Variants in OPCML observed in about 807,000 individuals in gnomAD.
OPCML encodes the protein opioid binding protein/cell adhesion molecule like.
A neutral mutation model predicts 37.8 loss-of-function variants in OPCML; 13 were observed. The ratio of observed to expected loss-of-function variants is 0.34; its 90% CI spans 0.22 to 0.55. The LOEUF is 0.55. Ranked by LOEUF, OPCML falls within the 20% of genes least tolerant of loss-of-function variation. The pLI is 0.91. For synonymous variants in OPCML, 176 were observed against 168.8 expected, an observed-to-expected ratio of 1.04 and a Z score of -0.33; for missense variants, 341 against 435.6, an observed-to-expected ratio of 0.78 and a Z score of 1.93.
In OPCML at chr11:133,373,632, T is replaced by TA. The variant is rs201795079; in HGVS notation, c.61+158631dup. ...AAAGACAGGCCCTGTCTCAGAAACA[T>TA]AAAAAAAAAGAAAAGAAAAAGAAAA... On this transcript the variant is annotated intron_variant, in intron 1 of 7. Transcript: ENST00000524381. Among the ~76,000 whole-genome samples the TA allele has an allele frequency of 3.2e-3, 454 of 140,064 alleles. 2 individuals carry two copies. Among genetic ancestry groups the TA allele is most frequent in the African/African-American group, 9.6e-3 (362 of 37,692 alleles). 91.9% of individuals were successfully genotyped at this position (140,064 alleles called of 152,430 possible).
chr11:132,802,459 C>T (rs1938716986), intron 2 of OPCML, among the ~76,000 whole-genome samples: 1 of 152,178 alleles, frequency 6.6e-6, no homozygotes, highest in Non-Finnish European at 1.5e-5. Flanking sequence ...ACTCCATCAA[C>T]GTTGGTTCAA....
chr11:132,888,146 T>C (rs536379264), intron 2 of OPCML, among the ~76,000 whole-genome samples: 1 of 152,176 alleles, frequency 6.6e-6, no homozygotes, highest in East Asian at 1.9e-4. Flanking sequence ...TAGGAGCTGA[T>C]GTATCTGGAT....
chr11:132,508,759 T>G (rs1157236944), intron 4 of OPCML, among the ~76,000 whole-genome samples: 1 of 152,242 alleles, frequency 6.6e-6, no homozygotes, highest in East Asian at 1.9e-4. Context: ...ACCATGATTC[T>G]AAGGCCTCCC....
chr11:133,515,679 C>A (rs1199229555), intron 1 of OPCML, among the ~76,000 whole-genome samples: 3 of 151,898 alleles, frequency 2.0e-5, no homozygotes, highest in African/African-American at 7.3e-5. Flanking sequence ...TTGTAATGGG[C>A]TTGGGGTGCA....
intron 4 of OPCML, among the ~76,000 whole-genome samples, chr11:132,517,003 G>A (rs1041958924): frequency 1.7e-4 from 26 of 152,026 alleles, no homozygotes; most frequent in Admixed American, 8.5e-4. Flanking sequence ...ACTCCAGGCC[G>A]CCACCTCTCT....
intron 2 of OPCML, among the ~76,000 whole-genome samples, chr11:132,825,700 C>T (rs1005959915): frequency 6.6e-6 from 1 of 152,220 alleles, no homozygotes; most frequent in Non-Finnish European, 1.5e-5. Context: ...GTGAATGACT[C>T]TTAGCCCTTT....
intron 1 of OPCML, among the ~76,000 whole-genome samples, chr11:133,325,911 T>C (rs1436234486): frequency 1.3e-5 from 2 of 152,208 alleles, no homozygotes; most frequent in African/African-American, 4.8e-5. Context: ...GTCTTTTGTG[T>C]GCTAATGCTG....
At chr11:133,115,935 T>A (rs955009298) in intron 1 of OPCML, among the ~76,000 whole-genome samples, 1 of 151,724 alleles carries the variant, frequency 6.6e-6, no homozygotes, top group African/African-American at 2.4e-5. Flanking sequence ...TAAAATACTT[T>A]AGTATTTGTT....
intron 1 of OPCML, among the ~76,000 whole-genome samples, chr11:133,434,165 T>A (rs1361010205): frequency 1.3e-5 from 2 of 152,176 alleles, no homozygotes; most frequent in Non-Finnish European, 2.9e-5. Context: ...TATAGTTAGG[T>A]GGGATTACAC....
intron 1 of OPCML, among the ~76,000 whole-genome samples, chr11:133,140,531 TAAGAAGAAGAAGAAGAAGAAG>T (rs1168417109): frequency 0.029 from 2,550 of 88,068 alleles, 98 homozygotes; most frequent in African/African-American, 0.098. Context: ...ATAATAATAA[TAAGAAGAAGAAGAAGAAGAAG>T]AAGAAGAAGA....
chr11:133,330,078 T>A lies in OPCML; in HGVS notation c.61+202186A>T, dbSNP rs181871102. On this transcript the variant is annotated intron_variant, in intron 1 of 7. Coordinates refer to ENST00000524381, the MANE Select transcript of OPCML (RefSeq NM_001012393.5). ...ACATTTATGCAGCCAAAACAACACA[T>A]GAAAAAATGCTCATCATCACTGGCC... Among the ~76,000 whole-genome samples, 1,232 of 152,116 alleles carry A rather than the reference T, an allele frequency of 8.1e-3. 18 individuals are homozygous for A. The highest frequency in any genetic ancestry group is 0.026 in the African/African-American group (1,099 of 41,486).
chr11:133,221,190 A>G (rs78817528), intron 1 of OPCML, among the ~76,000 whole-genome samples: 4,121 of 152,264 alleles, frequency 0.027, 71 homozygotes, highest in East Asian at 0.12. Flanking sequence ...AGCTTGGGAC[A>G]GAGCCGGCCA....
intron 2 of OPCML, among the ~76,000 whole-genome samples, chr11:132,832,917 T>TA (rs1204990677): frequency 6.6e-6 from 1 of 150,728 alleles, no homozygotes; most frequent in Non-Finnish European, 1.5e-5. Context: ...AAAAATGTGA[T>TA]AAAAAGATTT....
At chr11:132,487,863 G>T (rs1047342466) in intron 4 of OPCML, among the ~76,000 whole-genome samples, 1 of 152,138 alleles carries the variant, frequency 6.6e-6, no homozygotes, top group Non-Finnish European at 1.5e-5. Context: ...TTTCTAATAT[G>T]CATTTTAGTT....
At position 133,458,174 on chromosome 11, in the gene OPCML, A is replaced by G. The variant is rs189972736; in HGVS notation, c.61+74090T>C. On this transcript the variant is annotated intron_variant, in intron 1 of 7. Coordinates refer to ENST00000524381, the MANE Select transcript of OPCML (RefSeq NM_001012393.5). ...AAAAAATATATATATACATATACAT[A>G]TATGTGTATATATACACATATATAC... Among the ~76,000 whole-genome samples the G allele has an allele frequency of 1.8e-3, 253 of 143,328 alleles. 6 individuals carry two copies. Among genetic ancestry groups the G allele is most frequent in the Middle Eastern group, 7.2e-3 (2 of 278 alleles). The allele number at this position is 143,328 out of a possible 152,430, so 94.0% of individuals were successfully genotyped here.
chr11:133,452,342 T>C (rs1946595946), intron 1 of OPCML, among the ~76,000 whole-genome samples: 1 of 151,704 alleles, frequency 6.6e-6, no homozygotes, highest in Non-Finnish European at 1.5e-5. Flanking sequence ...CATTTTGTCT[T>C]TTAAAATAAT....
At chr11:132,708,286 T>C (rs1944117578) in intron 2 of OPCML, among the ~76,000 whole-genome samples, 4 of 152,246 alleles carry the variant, frequency 2.6e-5, no homozygotes, top group Non-Finnish European at 5.9e-5. Context: ...ACAGGGCTAA[T>C]GAGTTTGCCT....
At chr11:132,505,104 G>A (rs1397579924) in intron 4 of OPCML, among the ~76,000 whole-genome samples, 1 of 152,114 alleles carries the variant, frequency 6.6e-6, no homozygotes, top group Non-Finnish European at 1.5e-5. Context: ...TAAACCAGAA[G>A]CTCTGCAGCC....
intron 2 of OPCML, among the ~76,000 whole-genome samples, chr11:132,893,973 C>T (rs1233141289): frequency 6.6e-6 from 1 of 152,202 alleles, no homozygotes; most frequent in Non-Finnish European, 1.5e-5. Context: ...TTACATCACA[C>T]ACACACACAA....
Sources: allele counts gnomAD v4.1 joint callset (sites outside exome capture counted in the v4.1 genomes callset), GRCh38; gene constraint gnomAD v4.1.1; transcripts MANE v1.5; gene names NCBI Gene and HGNC (gene_info 2026-07-23, HGNC 2026-07-21).